Variants in POLR3G observed in about 807,000 individuals in gnomAD.
POLR3G encodes the protein DNA-directed RNA polymerase III subunit RPC7.
Under a neutral mutation model 30.1 loss-of-function variants are expected in POLR3G, and 28 were observed. The observed-to-expected ratio is 0.93, with a 90% CI of 0.69 to 1.27. The LOEUF is 1.27. Ranked by LOEUF, POLR3G falls within the 50% of genes most tolerant of loss-of-function variation. The probability of loss-of-function intolerance (pLI) is 0.00; values close to 1 mark genes in which losing one functional copy is unlikely to be tolerated. For synonymous variants in POLR3G, 79 were observed against 82.5 expected (o/e 0.96, Z 0.23); for missense variants, 254 against 264.6 (o/e 0.96, Z 0.28).
At chr5:90,493,554 ATTGATTT>A (rs1470958145) in intron 3 of POLR3G, among the ~76,000 whole-genome samples, 1 of 151,602 alleles carries the variant, frequency 6.6e-6, no homozygotes, top group East Asian at 2.0e-4. Context: ...GCCTAGTTTT[ATTGATTT>A]TTAAGTAACA....
intron 7 of POLR3G, 117 bp from the exon 8 acceptor site, chr5:90,511,936 C>A: frequency 2.9e-6 from 2 of 687,104 alleles, no homozygotes; most frequent in South Asian, 1.8e-5. Flanking sequence ...CAGGTAAACA[C>A]AAGTGAAAAC....
intron 1 of POLR3G, among the ~76,000 whole-genome samples, chr5:90,483,424 C>G (rs753613115): frequency 6.6e-6 from 1 of 152,086 alleles, no homozygotes; most frequent in African/African-American, 2.4e-5. Context: ...AAACAGGAAA[C>G]GATGTTTCAT....
At chr5:90,480,629 A>G (rs1179910006) in intron 1 of POLR3G, among the ~76,000 whole-genome samples, 3 of 152,260 alleles carry the variant, frequency 2.0e-5, no homozygotes, top group African/African-American at 7.2e-5. Flanking sequence ...CCCACCTCCA[A>G]AGATTCTGGT....
intron 6 of POLR3G, 144 bp from the exon 7 acceptor site, chr5:90,506,384 C>A: frequency 1.8e-6 from 2 of 1,142,410 alleles, no homozygotes; most frequent in Non-Finnish European, 2.4e-6. Flanking sequence ...CTTGAGTTGA[C>A]TCATAGTTTC....
rs1207242669 is a variant in POLR3G, at chr5:90,512,375, A to T, written c.*236A>T. The T allele has an allele frequency of 5.1e-6, 2 of 390,928 alleles. No homozygotes were observed. The highest frequency in any genetic ancestry group is 8.0e-5 in the East Asian group (2 of 24,962). 24.2% of individuals were successfully genotyped at this position (390,928 alleles called of 1,614,324 possible). A position where few individuals can be genotyped will look rare whatever the true frequency, so the allele number is the denominator to read the frequency against. Reference sequence around the variant, plus strand: ...TCTGCCATCTCTCTTATGTACTCTCATGGGTTTTTTTGTATGATTTGAATA... The same window carrying T: ...TCTGCCATCTCTCTTATGTACTCTCTTGGGTTTTTTTGTATGATTTGAATA... On this transcript the variant is annotated 3_prime_UTR_variant, in exon 8 of 8. Coordinates refer to ENST00000651687, the MANE Select transcript of POLR3G (RefSeq NM_006467.3).
chr5:90,498,379 A>C (rs931429322), intron 5 of POLR3G, among the ~76,000 whole-genome samples: 6 of 151,846 alleles, frequency 4.0e-5, no homozygotes, highest in Non-Finnish European at 8.8e-5. Flanking sequence ...TCAGGTAGTG[A>C]GTGTACTACC....
chr5:90,492,860 CA>C (rs59127797), intron 3 of POLR3G, among the ~76,000 whole-genome samples: 87,209 of 128,170 alleles, frequency 0.68, 27,466 homozygotes, highest in African/African-American at 0.74. Context: ...GACTCCGCCT[CA>C]AAAAAAAAAA....
chr5:90,509,179 T>G (rs1219580973), intron 7 of POLR3G, among the ~76,000 whole-genome samples: 1 of 152,226 alleles, frequency 6.6e-6, no homozygotes, highest in Non-Finnish European at 1.5e-5. Flanking sequence ...TGTTACATAA[T>G]GCTTTTCGTT....
chr5:90,486,561 C>T (rs1181617462), intron 2 of POLR3G, among the ~76,000 whole-genome samples: 2 of 152,180 alleles, frequency 1.3e-5, no homozygotes, highest in African/African-American at 2.4e-5. Flanking sequence ...CTCCTTGGGT[C>T]CTCAGGCCTT....
At chr5:90,490,301 C>G in intron 3 of POLR3G, among the ~76,000 whole-genome samples, 1 of 65,746 alleles carries the variant, frequency 1.5e-5, no homozygotes, top group East Asian at 4.8e-4. Context: ...GCTTTTATTT[C>G]TTTCAGGGGA....
chr5:90,495,163 A>G (rs916674762), intron 3 of POLR3G, among the ~76,000 whole-genome samples: 3 of 152,250 alleles, frequency 2.0e-5, no homozygotes, highest in African/African-American at 7.2e-5. Context: ...CTTGACATAG[A>G]AGAAAAATCA....
At chr5:90,485,968 A>G (rs938061379) in intron 2 of POLR3G, among the ~76,000 whole-genome samples, 20 of 152,334 alleles carry the variant, frequency 1.3e-4, no homozygotes, top group East Asian at 9.6e-4. Context: ...ATAAATTCCA[A>G]TATGAAAATA....
intron 5 of POLR3G, among the ~76,000 whole-genome samples, chr5:90,499,210 A>G (rs1752126717): frequency 6.6e-6 from 1 of 152,146 alleles, no homozygotes; most frequent in Non-Finnish European, 1.5e-5. Context: ...AGAATTAGAT[A>G]ATTAGAAGAA....
chr5:90,474,142 G>A, upstream of POLR3G: 1 of 1,590,942 alleles, frequency 6.3e-7, no homozygotes, highest in Non-Finnish European at 8.6e-7. Context: ...GGGAGGCTGC[G>A]CAGCCCCAGG....
chr5:90,500,897 T>C (rs1280254575), intron 5 of POLR3G, among the ~76,000 whole-genome samples: 2 of 152,186 alleles, frequency 1.3e-5, no homozygotes, highest in Non-Finnish European at 2.9e-5. Context: ...TAATACTCTT[T>C]GACCACAATG....
At chr5:90,481,837 G>A (rs548564422) in intron 1 of POLR3G, among the ~76,000 whole-genome samples, 3 of 152,296 alleles carry the variant, frequency 2.0e-5, no homozygotes, top group East Asian at 3.9e-4. Flanking sequence ...AATTGTAGAT[G>A]CAATGTTATT....
At chr5:90,500,657 A>G (rs911098539) in intron 5 of POLR3G, among the ~76,000 whole-genome samples, 6 of 152,052 alleles carry the variant, frequency 3.9e-5, no homozygotes, top group African/African-American at 1.4e-4. Flanking sequence ...TGTTTGAGAA[A>G]CCTCACTAAT....
intron 3 of POLR3G, among the ~76,000 whole-genome samples, chr5:90,488,683 T>A (rs1479183747): frequency 6.6e-6 from 1 of 152,222 alleles, no homozygotes; most frequent in African/African-American, 2.4e-5. Flanking sequence ...GTGATTGTTA[T>A]CATTATACAT....
At chr5:90,481,667 GA>G (rs951453718) in intron 1 of POLR3G, among the ~76,000 whole-genome samples, 4 of 148,982 alleles carry the variant, frequency 2.7e-5, no homozygotes, top group East Asian at 3.9e-4. Context: ...CAAATAGAAA[GA>G]AAAAAAAATG....
Sources: allele counts gnomAD v4.1 joint callset (sites outside exome capture counted in the v4.1 genomes callset), GRCh38; gene constraint gnomAD v4.1.1; transcripts MANE v1.5; gene names NCBI Gene and HGNC (gene_info 2026-07-23, HGNC 2026-07-21).